Variants in PLCE1 observed in about 807,000 individuals in gnomAD.
PLCE1 encodes 1-phosphatidylinositol 4,5-bisphosphate phosphodiesterase epsilon-1.
In PLCE1, 119 loss-of-function variants were observed where a neutral mutation model predicts 242.8. The observed-to-expected ratio is 0.49, with a 90% CI of 0.42 to 0.57. The LOEUF is 0.57. Among genes scored for constraint, PLCE1 ranks in the 20% least tolerant of loss-of-function variants. The pLI is 0.00. For synonymous variants in PLCE1, 945 were observed against 1,017.4 expected, an observed-to-expected ratio of 0.93 and a Z score of 1.35; for missense variants, 2,441 against 2,788.8, an observed-to-expected ratio of 0.88 and a Z score of 2.81.
chr10:94,221,877 C>T (rs1165799590), intron 4 of PLCE1, among the ~76,000 whole-genome samples: 6 of 152,208 alleles, frequency 3.9e-5, no homozygotes, highest in Admixed American at 3.9e-4. Context: ...TCTTTGAAAA[C>T]TTCTGCTTGG....
At chr10:94,294,950 CTG>C (rs1356249815) in intron 23 of PLCE1, among the ~76,000 whole-genome samples, 1 of 127,584 alleles carries the variant, frequency 7.8e-6, no homozygotes, top group East Asian at 2.4e-4. Flanking sequence ...GAGTCTTGCT[CTG>C]TCACCCAGGC....
chr10:93,994,056 C>T lies in PLCE1; in HGVS notation c.-567C>T, dbSNP rs932151608. ...GGCGGGAGGGGCAGCGGCGGCGCGC[C>T]CGGGCTCTACCTCCCGGGCTCTGCC... is the stretch of plus-strand genomic sequence containing the variant. On this transcript the variant is annotated 5_prime_UTR_variant, in exon 1 of 33. Coordinates refer to ENST00000371380, the MANE Select transcript of PLCE1 (RefSeq NM_016341.4). Among the ~76,000 whole-genome samples, 1 of 84,680 alleles carries T rather than the reference C, an allele frequency of 1.2e-5. No individual in the cohort carries two copies. Among genetic ancestry groups the T allele is most frequent in the East Asian group, 3.4e-4 (1 of 2,936 alleles). The allele number at this position is 84,680 out of a possible 152,430, so 55.6% of individuals were successfully genotyped here. A position where few individuals can be genotyped will look rare whatever the true frequency, so the allele number is the denominator to read the frequency against.
At chr10:94,183,333 T>C (rs1187740617) in intron 4 of PLCE1, among the ~76,000 whole-genome samples, 3 of 152,254 alleles carry the variant, frequency 2.0e-5, no homozygotes, top group Admixed American at 2.0e-4. Flanking sequence ...TACTAAATGC[T>C]GTTTTGTGCA....
At chr10:94,142,621 G>A (rs961085308) in intron 3 of PLCE1, among the ~76,000 whole-genome samples, 1 of 152,210 alleles carries the variant, frequency 6.6e-6, no homozygotes, top group Non-Finnish European at 1.5e-5. Context: ...TCATGCTGGG[G>A]CTGATGATGG....
In PLCE1 at chr10:93,994,161, G is replaced by T. The variant is rs1400723402; in HGVS notation, c.-462G>T. 1.3e-5 allele frequency among the ~76,000 whole-genome samples: 2 copies of T among 152,156 alleles called. No homozygotes were observed. The highest frequency in any genetic ancestry group is 6.5e-5 in the Admixed American group (1 of 15,286). On this transcript the variant is annotated 5_prime_UTR_variant, in exon 1 of 33. Transcript: ENST00000371380. ...GGCTCTGCAGCTGACACACAGTAGC[G>T]GGGACACCCGACGCCGCTAGCGACA...
chr10:94,072,479 A>G (rs1009187386), intron 2 of PLCE1, among the ~76,000 whole-genome samples: 5 of 151,958 alleles, frequency 3.3e-5, no homozygotes, highest in Non-Finnish European at 7.4e-5. Flanking sequence ...GGATTTCACC[A>G]TGTTAGCCAG....
chr10:94,056,143 A>T (rs1241209954), intron 2 of PLCE1, among the ~76,000 whole-genome samples: 1 of 152,208 alleles, frequency 6.6e-6, no homozygotes, highest in Non-Finnish European at 1.5e-5. Flanking sequence ...ATTCTCTAAA[A>T]GCTAGAGATT....
intron 19 of PLCE1, among the ~76,000 whole-genome samples, chr10:94,274,562 C>G (rs1589455203): frequency 7.2e-6 from 1 of 139,216 alleles, no homozygotes; most frequent in Non-Finnish European, 1.6e-5. Flanking sequence ...CAGCCACTTT[C>G]AGGGGCTAAG....
intron 2 of PLCE1, among the ~76,000 whole-genome samples, chr10:94,081,433 C>T (rs2044651343): frequency 6.6e-6 from 1 of 152,186 alleles, no homozygotes; most frequent in Admixed American, 6.5e-5. Flanking sequence ...AAGGTATTCT[C>T]ATCAAAATGT....
chr10:94,287,776 C>T (rs140658610), intron 22 of PLCE1, among the ~76,000 whole-genome samples: 511 of 151,938 alleles, frequency 3.4e-3, no homozygotes, highest in African/African-American at 0.012. Context: ...ACCCCATCAA[C>T]CTAGTTTCCA....
chr10:94,280,075 G>A (rs1472231259), intron 20 of PLCE1, 164 bp downstream of exon 20: 1 of 726,400 alleles, frequency 1.4e-6, no homozygotes, highest in African/African-American at 1.8e-5. Context: ...ACCGAGGAAG[G>A]AGGGGATTCT....
chr10:94,132,778 A>G (rs922948840), intron 3 of PLCE1, among the ~76,000 whole-genome samples: 3 of 152,066 alleles, frequency 2.0e-5, no homozygotes, highest in African/African-American at 7.2e-5. Flanking sequence ...GTGGAACACC[A>G]TCTCTACTAA....
At chr10:94,296,812 C>T (rs1259443143) in intron 23 of PLCE1, among the ~76,000 whole-genome samples, 1 of 152,148 alleles carries the variant, frequency 6.6e-6, no homozygotes, top group African/African-American at 2.4e-5. Context: ...TAACTTTCAA[C>T]CTGTCTTGGC....
At chr10:94,249,714 A>G (rs1401227579) in intron 8 of PLCE1, among the ~76,000 whole-genome samples, 1 of 152,192 alleles carries the variant, frequency 6.6e-6, no homozygotes, top group African/African-American at 2.4e-5. Flanking sequence ...GAAGCCTAGA[A>G]AAATACAGGA....
At chr10:94,299,155 G>C (rs962555290) in intron 24 of PLCE1, among the ~76,000 whole-genome samples, 1 of 152,148 alleles carries the variant, frequency 6.6e-6, no homozygotes, top group Non-Finnish European at 1.5e-5. Flanking sequence ...GCTAGCAAAA[G>C]GAAAACAACT....
intron 2 of PLCE1, among the ~76,000 whole-genome samples, chr10:94,091,334 G>A (rs1246526889): frequency 2.6e-5 from 4 of 152,130 alleles, no homozygotes; most frequent in Admixed American, 2.0e-4. Flanking sequence ...CTCCTCCATG[G>A]CATCTTAACA....
Position 94,185,814 on chromosome 10 carries a change from A to G in PLCE1, c.1809+14318A>G, listed in dbSNP as rs933810343. Among the ~76,000 whole-genome samples, 27 of 152,232 alleles carry G rather than the reference A, an allele frequency of 1.8e-4. 1 individual carries two copies. The highest frequency in any genetic ancestry group is 6.5e-4 in the African/African-American group (27 of 41,462). On this transcript the variant is annotated intron_variant, in intron 4 of 32. Coordinates refer to ENST00000371380, the MANE Select transcript of PLCE1 (RefSeq NM_016341.4). Reference sequence around the variant, plus strand: ...CATTGAGGATGACCAAAGGCTTCAGAGCTTTGGAGATTGGGAAGGCTTTTG... The same window carrying G: ...CATTGAGGATGACCAAAGGCTTCAGGGCTTTGGAGATTGGGAAGGCTTTTG...
intron 29 of PLCE1, among the ~76,000 whole-genome samples, chr10:94,319,021 C>G (rs895000464): frequency 2.6e-5 from 4 of 152,136 alleles, no homozygotes; most frequent in African/African-American, 9.7e-5. Flanking sequence ...GTGTTCCAGC[C>G]TGGGTGACAG....
At chr10:94,169,260 TG>T (rs1338109070) in intron 3 of PLCE1, among the ~76,000 whole-genome samples, 21 of 152,290 alleles carry the variant, frequency 1.4e-4, no homozygotes, top group African/African-American at 3.4e-4. Context: ...GTGGGTTACC[TG>T]GTATAGAAGG....
Sources: gnomAD v4.1 joint callset for allele counts (sites outside exome capture counted in the v4.1 genomes callset) on GRCh38, gnomAD v4.1.1 for gene constraint, MANE v1.5 for transcripts, NCBI Gene and HGNC (gene_info 2026-07-23, HGNC 2026-07-21) for gene names.